Variants in N4BP2L1 observed in about 807,000 individuals in gnomAD.
N4BP2L1 encodes NEDD4 binding protein 2 like 1.
N4BP2L1 carries 12 observed loss-of-function variants against 21.2 expected under a neutral mutation model. That is an observed-to-expected ratio of 0.57 (90% CI 0.36 to 0.92). The LOEUF is 0.92. Ranked by LOEUF, N4BP2L1 falls within the 40% of genes least tolerant of loss-of-function variation. The probability of loss-of-function intolerance (pLI) is 0.01; values close to 1 mark genes in which losing one functional copy is unlikely to be tolerated. For missense variants in N4BP2L1, 259 were observed against 310.6 expected (o/e 0.83, Z 1.25); for synonymous variants, 104 against 112.8 (o/e 0.92, Z 0.49).
chr13:32,407,725 T>C lies in N4BP2L1; in HGVS notation c.227A>G (p.Asp76Gly). The C allele has an allele frequency of 6.2e-7, 1 of 1,608,634 alleles. No individual in the cohort carries two copies. The highest frequency in any genetic ancestry group is 8.5e-7 in the Non-Finnish European group (1 of 1,177,956). ...GGCACCATCTTCCCTGAAGAAAAAATCATCCGTGCTGAAAATCAGGGCCCT... is the reference window on the plus strand; with the variant it reads ...GGCACCATCTTCCCTGAAGAAAAAACCATCCGTGCTGAAAATCAGGGCCCT... ...FPRALIFSTD[D>G]FFFREDGAYE... Residue 76 changes from aspartate to glycine, a missense_variant, in exon 2 of 5, where the codon GAT becomes GGT. Around this residue, in one of 3 missense-constraint regions of N4BP2L1, gnomAD observed 91 missense variants for 148.1 expected, o/e 0.61. Coordinates refer to ENST00000380130, the MANE Select transcript of N4BP2L1 (RefSeq NM_052818.3).
At chr13:32,408,771 G>A (rs1260237984) in intron 1 of N4BP2L1, among the ~76,000 whole-genome samples, 2 of 152,216 alleles carry the variant, frequency 1.3e-5, no homozygotes, top group Non-Finnish European at 2.9e-5. Context: ...ACAAGGGCAG[G>A]AAATGCAAAG....
chr13:32,401,166 G>A lies in N4BP2L1; in HGVS notation c.*1776C>T, dbSNP rs541276554. 1.3e-5 allele frequency: 2 copies of A among 152,216 alleles called. No individual in the cohort carries two copies. Among genetic ancestry groups the A allele is most frequent in the African/African-American group, 4.8e-5 (2 of 41,510 alleles). 9.4% of individuals were successfully genotyped at this position (152,216 alleles called of 1,614,324 possible). ...ACCGCTCATGTGAAATCAAAGGATG[G>A]TAATTTCCACTTTGAGCTCTCTGAC... On this transcript the variant is annotated 3_prime_UTR_variant, in exon 5 of 5. Coordinates refer to ENST00000380130, the MANE Select transcript of N4BP2L1 (RefSeq NM_052818.3).
chr13:32,422,224 T>C (rs2137965921), intron 1 of N4BP2L1, among the ~76,000 whole-genome samples: 1 of 152,244 alleles, frequency 6.6e-6, no homozygotes, highest in South Asian at 2.1e-4. Flanking sequence ...ACCCTGACAA[T>C]TGAAATCCAG....
chr13:32,418,810 G>A (rs904541408), intron 1 of N4BP2L1, among the ~76,000 whole-genome samples: 2 of 152,250 alleles, frequency 1.3e-5, no homozygotes, highest in Non-Finnish European at 2.9e-5. Context: ...TACCCTGCTG[G>A]ATTTTGGGCT....
intron 1 of N4BP2L1, among the ~76,000 whole-genome samples, chr13:32,426,478 G>T (rs545005719): frequency 6.6e-6 from 1 of 152,220 alleles, no homozygotes; most frequent in East Asian, 1.9e-4. Flanking sequence ...TTAGGAAAGG[G>T]TGCCCACGGT....
At chr13:32,415,092 GT>G (rs1364896227) in intron 1 of N4BP2L1, among the ~76,000 whole-genome samples, 1 of 152,204 alleles carries the variant, frequency 6.6e-6, no homozygotes, top group Non-Finnish European at 1.5e-5. Context: ...TCTATATCTT[GT>G]GTGTAAAAAG....
chr13:32,419,553 T>A, intron 1 of N4BP2L1: 1 of 283,260 alleles, frequency 3.5e-6, no homozygotes, highest in South Asian at 2.9e-5. Flanking sequence ...ATTACAGGCA[T>A]AAGCCACTGC....
At position 32,403,141 on chromosome 13, in the gene N4BP2L1, T is replaced by C; in HGVS notation, c.533A>G (p.His178Arg). 8 of 1,613,364 alleles carry C rather than the reference T, an allele frequency of 5.0e-6. No individual in the cohort carries two copies. The highest frequency in any genetic ancestry group is 6.8e-6 in the Non-Finnish European group (8 of 1,179,712). ...KIHRMKERYEHDVTFHSVLHA... is the reference protein window; with the variant it reads ...KIHRMKERYERDVTFHSVLHA... ...AAGCACACTGTGAAAAGTAACATCGTGTTCATACCGTTCTTTCATTCGGTG... is the reference window on the plus strand; with the variant it reads ...AAGCACACTGTGAAAAGTAACATCGCGTTCATACCGTTCTTTCATTCGGTG... Residue 178 changes from histidine (H) to arginine (R), a missense_variant, in exon 5 of 5, where the codon CAC (histidine) becomes CGC (arginine). Physicochemically the swap from His to Arg is conservative, Grantham distance 29. This residue lies in a region of N4BP2L1 where 108 missense variants were observed against 107.8 expected (regional missense o/e 1.00). Transcript: ENST00000380130.
At chr13:32,410,711 TTTAAAG>T (rs1355623264) in intron 1 of N4BP2L1, among the ~76,000 whole-genome samples, 1 of 152,228 alleles carries the variant, frequency 6.6e-6, no homozygotes, top group Admixed American at 6.5e-5. Flanking sequence ...ACTGTACAGT[TTTAAAG>T]TTATTTTCAT....
upstream of N4BP2L1, chr13:32,428,194 C>G: frequency 8.9e-7 from 1 of 1,120,086 alleles, no homozygotes; most frequent in Non-Finnish European, 1.2e-6. Flanking sequence ...GAGGGGCGGG[C>G]GCTGGGAGCC....
At chr13:32,424,790 T>C (rs1555299347) in intron 1 of N4BP2L1, 1 of 152,218 alleles carries the variant, frequency 6.6e-6, no homozygotes, top group Non-Finnish European at 1.5e-5. Flanking sequence ...TTTAATCAGT[T>C]AAAACTCCAA....
At chr13:32,407,819 T>C (rs2073619300) in intron 1 of N4BP2L1, 47 bp from the exon 2 acceptor site, 1 of 1,497,882 alleles carries the variant, frequency 6.7e-7, no homozygotes, top group Non-Finnish European at 9.0e-7. Flanking sequence ...AATATATGTA[T>C]AGTCTCAGTA....
At chr13:32,405,791 C>T (rs1248633476) in intron 3 of N4BP2L1, among the ~76,000 whole-genome samples, 1 of 151,888 alleles carries the variant, frequency 6.6e-6, no homozygotes, top group East Asian at 1.9e-4. Context: ...AAAAAGAAGC[C>T]TAAAATCGTG....
Position 32,402,788 on chromosome 13 carries a change from G to A in N4BP2L1, c.*154C>T, listed in dbSNP as rs986872967. 14 of 1,400,828 alleles carry A rather than the reference G, an allele frequency of 1.0e-5. No homozygotes were observed. In the African/African-American group the frequency reaches 1.9e-4, roughly 19 times the overall value. The allele number at this position is 1,400,828 out of a possible 1,614,324, so 86.8% of individuals were successfully genotyped here. A position where few individuals can be genotyped will look rare whatever the true frequency, so the allele number is the denominator to read the frequency against. On this transcript the variant is annotated 3_prime_UTR_variant, in exon 5 of 5. Transcript: ENST00000380130. ...ATATAGAAGCACTTTAACAAATTTT[G>A]GTGAAGAAAGTGAATATAATGACTT...
At chr13:32,426,728 A>G (rs185242544) in intron 1 of N4BP2L1, among the ~76,000 whole-genome samples, 1 of 152,236 alleles carries the variant, frequency 6.6e-6, no homozygotes, top group East Asian at 1.9e-4. Flanking sequence ...AGGGAAAGGG[A>G]CCACTTCCTC....
intron 3 of N4BP2L1, among the ~76,000 whole-genome samples, chr13:32,405,892 C>CCTTTTTTTTTT (rs2073452557): frequency 2.0e-5 from 2 of 101,192 alleles, no homozygotes; most frequent in Non-Finnish European, 1.8e-5. Context: ...TTCCTGCCCC[C>CCTTTTTTTTTT]TTTTTTTTTT....
intron 1 of N4BP2L1, among the ~76,000 whole-genome samples, chr13:32,415,181 G>A (rs1008253030): frequency 6.6e-6 from 1 of 152,176 alleles, no homozygotes; most frequent in African/African-American, 2.4e-5. Context: ...TTTTTAGCAA[G>A]AGGCTTCCAT....
In N4BP2L1 at chr13:32,402,053, T is replaced by C. The variant is rs971240375; in HGVS notation, c.*889A>G. Reference sequence around the variant, plus strand: ...TTTATATATCCCTGTATGACCTATATCCTGGGGTGCCTAATTTCTTGCACT... The same window carrying C: ...TTTATATATCCCTGTATGACCTATACCCTGGGGTGCCTAATTTCTTGCACT... On this transcript the variant is annotated 3_prime_UTR_variant, in exon 5 of 5. Transcript: ENST00000380130. The C allele has an allele frequency of 1.0e-6, 1 of 985,450 alleles. No individual in the cohort carries two copies. The highest frequency in any genetic ancestry group is 1.2e-6 in the Non-Finnish European group (1 of 829,932). 61.0% of individuals were successfully genotyped at this position (985,450 alleles called of 1,614,324 possible). A position where few individuals can be genotyped will look rare whatever the true frequency, so the allele number is the denominator to read the frequency against.
chr13:32,403,789 C>T, intron 4 of N4BP2L1: 1 of 529,562 alleles, frequency 1.9e-6, no homozygotes, highest in South Asian at 1.4e-5. Context: ...ACCAGCCTTA[C>T]TCCTAAGAAG....
Sources: allele counts gnomAD v4.1 joint callset (sites outside exome capture counted in the v4.1 genomes callset), GRCh38; gene constraint gnomAD v4.1.1; regional missense constraint gnomAD v4.1.1; transcripts MANE v1.5; gene names NCBI Gene and HGNC (gene_info 2026-07-23, HGNC 2026-07-21).